Variants in TAFA1 observed in about 807,000 individuals in gnomAD.
TAFA1 encodes the protein chemokine-like protein TAFA-1.
Under a neutral mutation model 18.5 loss-of-function variants are expected in TAFA1, and 4 were observed. That is an observed-to-expected ratio of 0.22 (90% CI 0.11 to 0.49). TAFA1 has a LOEUF of 0.49. TAFA1 is among the 20% of genes least tolerant of loss of function. TAFA1 has a pLI of 0.98. For synonymous variants in TAFA1, 56 were observed against 55.2 expected, an observed-to-expected ratio of 1.01 and a Z score of -0.06; for missense variants, 147 against 169.0, an observed-to-expected ratio of 0.87 and a Z score of 0.72.
chr3:68,427,593 A>C (rs990477132), intron 3 of TAFA1, among the ~76,000 whole-genome samples: 1 of 151,896 alleles, frequency 6.6e-6, no homozygotes, highest in African/African-American at 2.4e-5. Context: ...ATATTTTAAA[A>C]AATTAATGAT....
chr3:68,038,188 A>T (rs1167269091), intron 2 of TAFA1, among the ~76,000 whole-genome samples: 4 of 152,168 alleles, frequency 2.6e-5, no homozygotes, highest in African/African-American at 9.7e-5. Flanking sequence ...AATGACTCTC[A>T]TTGTCATATT....
At chr3:68,198,241 G>C (rs2066434434) in intron 2 of TAFA1, among the ~76,000 whole-genome samples, 1 of 151,548 alleles carries the variant, frequency 6.6e-6, no homozygotes, top group Admixed American at 6.6e-5. Context: ...ATATTCCATT[G>C]TCTGGGTGTA....
At chr3:68,404,452 G>A (rs1359063093) in intron 2 of TAFA1, among the ~76,000 whole-genome samples, 28 of 152,280 alleles carry the variant, frequency 1.8e-4, no homozygotes, top group Non-Finnish European at 4.4e-5. Context: ...GTCCATAGAT[G>A]AAAGTAAAAT....
chr3:68,458,743 A>G (rs1034079258), intron 3 of TAFA1, among the ~76,000 whole-genome samples: 4 of 152,086 alleles, frequency 2.6e-5, no homozygotes, highest in Non-Finnish European at 5.9e-5. Flanking sequence ...TGGGGAAACA[A>G]TCTTTCATGC....
intron 2 of TAFA1, among the ~76,000 whole-genome samples, chr3:68,410,579 ACCTCCATACTAG>A (rs1380724804): frequency 6.6e-6 from 1 of 151,960 alleles, no homozygotes. Context: ...AGTACAAACA[ACCTCCATACTAG>A]CCTGTTCTTT....
intron 2 of TAFA1, among the ~76,000 whole-genome samples, chr3:68,016,297 C>T (rs1196205184): frequency 6.6e-6 from 1 of 152,068 alleles, no homozygotes; most frequent in Non-Finnish European, 1.5e-5. Flanking sequence ...ATGGCTTATA[C>T]CACAGTGGTC....
intron 3 of TAFA1, among the ~76,000 whole-genome samples, chr3:68,440,086 C>T (rs2071346066): frequency 6.6e-6 from 1 of 151,978 alleles, no homozygotes; most frequent in African/African-American, 2.4e-5. Flanking sequence ...CCACAATTCC[C>T]ACATGGCATG....
intron 3 of TAFA1, among the ~76,000 whole-genome samples, chr3:68,454,472 C>T (rs777102118): frequency 1.3e-5 from 2 of 152,182 alleles, no homozygotes; most frequent in Non-Finnish European, 2.9e-5. Context: ...TAGTTCTCCA[C>T]TGTATCCTGT....
chr3:68,283,816 C>T (rs930975321), intron 2 of TAFA1, among the ~76,000 whole-genome samples: 48 of 152,294 alleles, frequency 3.2e-4, no homozygotes, highest in African/African-American at 1.1e-3. Context: ...TATCAGCCCT[C>T]AGCTTCCTTT....
rs114506245 is a variant in TAFA1, at chr3:68,292,027, G to A, written c.119-125253G>A. ...ATATAACCACAGTTTTAGCTAATAC[G>A]GTTTCAGTTTTCACTCATGTCGTTT... On this transcript the variant is annotated intron_variant, in intron 2 of 4. Transcript: ENST00000478136. Among the ~76,000 whole-genome samples the A allele has an allele frequency of 5.2e-3, 784 of 152,048 alleles. 8 individuals carry two copies. The highest frequency in any genetic ancestry group is 0.018 in the African/African-American group (744 of 41,470).
chr3:68,037,089 A>G (rs1705067721), intron 2 of TAFA1, among the ~76,000 whole-genome samples: 1 of 152,144 alleles, frequency 6.6e-6, no homozygotes, highest in African/African-American at 2.4e-5. Context: ...GGGAGAGGTC[A>G]GGGAAGAATG....
intron 2 of TAFA1, among the ~76,000 whole-genome samples, chr3:68,116,693 C>T (rs1380047264): frequency 6.6e-6 from 1 of 152,146 alleles, no homozygotes; most frequent in Non-Finnish European, 1.5e-5. Flanking sequence ...TGTCTGCTTG[C>T]CCCCTCATCT....
chr3:68,487,784 A>G (rs2072373742), intron 3 of TAFA1, among the ~76,000 whole-genome samples: 1 of 136,992 alleles, frequency 7.3e-6, no homozygotes, highest in African/African-American at 2.7e-5. Flanking sequence ...GTGAGTGGTG[A>G]GTGTTAAACT....
intron 2 of TAFA1, among the ~76,000 whole-genome samples, chr3:68,183,911 G>A (rs1055063124): frequency 6.6e-6 from 1 of 152,126 alleles, no homozygotes; most frequent in African/African-American, 2.4e-5. Context: ...GTGCTTCAGA[G>A]ATAACCACAG....
At chr3:68,236,052 C>T (rs183287996) in intron 2 of TAFA1, among the ~76,000 whole-genome samples, 1 of 152,236 alleles carries the variant, frequency 6.6e-6, no homozygotes, top group Non-Finnish European at 1.5e-5. Flanking sequence ...TAACTTGTTT[C>T]TCATTAATGT....
At chr3:68,513,409 G>A (rs2072878251) in intron 3 of TAFA1, among the ~76,000 whole-genome samples, 1 of 152,168 alleles carries the variant, frequency 6.6e-6, no homozygotes, top group Admixed American at 6.6e-5. Flanking sequence ...CACTTGAAAT[G>A]TAGCTGGTAT....
chr3:68,148,656 C>CA (rs1479842954), intron 2 of TAFA1, among the ~76,000 whole-genome samples: 1 of 152,134 alleles, frequency 6.6e-6, no homozygotes, highest in Non-Finnish European at 1.5e-5. Flanking sequence ...GCCTTCCTCC[C>CA]AACTCCGGCA....
At position 68,265,152 on chromosome 3, in the gene TAFA1, G is replaced by T. The variant is rs181539671; in HGVS notation, c.119-152128G>T. 1.3e-3 allele frequency among the ~76,000 whole-genome samples: 195 copies of T among 152,164 alleles called. 1 individual carries two copies. Among genetic ancestry groups the T allele is most frequent in the Non-Finnish European group, 1.2e-4 (8 of 68,000 alleles). ...CCTCATCATGATTCTGTTAAACTTG[G>T]AAGCTCTTTTTAAAATAATTTCATC... On this transcript the variant is annotated intron_variant, in intron 2 of 4. Coordinates refer to ENST00000478136, the MANE Select transcript of TAFA1 (RefSeq NM_213609.4).
At chr3:68,392,270 A>T (rs2070275520) in intron 2 of TAFA1, among the ~76,000 whole-genome samples, 1 of 152,084 alleles carries the variant, frequency 6.6e-6, no homozygotes, top group African/African-American at 2.4e-5. Context: ...AAAGAAGGAT[A>T]TTACATAATG....
Sources: allele counts gnomAD v4.1 joint callset (sites outside exome capture counted in the v4.1 genomes callset), GRCh38; gene constraint gnomAD v4.1.1; transcripts MANE v1.5; gene names NCBI Gene and HGNC (gene_info 2026-07-23, HGNC 2026-07-21).